GLG1: variants seen among roughly 807,000 people sequenced by gnomAD.
GLG1 encodes Golgi apparatus protein 1.
GLG1 carries 38 observed loss-of-function variants against 160.5 expected under a neutral mutation model. That is an observed-to-expected ratio of 0.24 (90% CI 0.18 to 0.31). The LOEUF is 0.31. Among genes scored for constraint, GLG1 ranks in the 10% least tolerant of loss-of-function variants. The pLI is 1.00. For missense variants in GLG1, 1,373 were observed against 1,505.2 expected, an observed-to-expected ratio of 0.91 and a Z score of 1.45; for synonymous variants, 644 against 543.4, an observed-to-expected ratio of 1.19 and a Z score of -2.57.
chr16:74,558,859 T>C (rs1380930857), intron 1 of GLG1, among the ~76,000 whole-genome samples: 1 of 152,190 alleles, frequency 6.6e-6, no homozygotes. Flanking sequence ...CTATTACCTA[T>C]TTTGTCACAG....
intron 1 of GLG1, among the ~76,000 whole-genome samples, chr16:74,543,250 T>C (rs2549044): frequency 5.3e-3 from 739 of 139,290 alleles, no homozygotes; most frequent in Admixed American, 6.1e-3. Flanking sequence ...TTCTGAAAGA[T>C]GCGTAGCTCA....
At chr16:74,500,749 A>G (rs1374087732) in intron 4 of GLG1, among the ~76,000 whole-genome samples, 1 of 152,192 alleles carries the variant, frequency 6.6e-6, no homozygotes, top group African/African-American at 2.4e-5. Context: ...TCCGCAATTA[A>G]GTTCCTTTGT....
intron 12 of GLG1, among the ~76,000 whole-genome samples, chr16:74,474,993 C>G (rs948667985): frequency 6.6e-6 from 1 of 151,834 alleles, no homozygotes; most frequent in Non-Finnish European, 1.5e-5. Flanking sequence ...CCCATCCCTA[C>G]TAAAAATACA....
rs767074143 is a variant in GLG1 at position 74,607,035 on chromosome 16, C to T, written c.60G>A (p.Leu20=). 15 of 1,594,880 alleles carry T rather than the reference C, an allele frequency of 9.4e-6. No individual in the cohort carries two copies. Among genetic ancestry groups the T allele is most frequent in the Non-Finnish European group, 1.3e-5 (15 of 1,173,500 alleles). The change falls in exon 1 of 26, where the codon CTG becomes CTA. Residue 20 remains leucine, a synonymous_variant. Transcript: ENST00000422840. ...MFRLSAALHL[L]LLFAAGAEKL... The stretch of plus-strand genomic sequence containing the variant: ...TCTCGGCCCCGGCCGCGAATAGCAG[C>T]AGCAGATGCAGCGCCGCCGACAAGC...
intron 9 of GLG1, among the ~76,000 whole-genome samples, chr16:74,484,642 T>C (rs1419866928): frequency 6.6e-6 from 1 of 152,032 alleles, no homozygotes; most frequent in East Asian, 1.9e-4. Context: ...GTGCCTGCAA[T>C]CCCAGCTACT....
intron 9 of GLG1, among the ~76,000 whole-genome samples, chr16:74,485,387 T>C (rs1442503916): frequency 1.3e-5 from 2 of 152,238 alleles, no homozygotes; most frequent in African/African-American, 4.8e-5. Flanking sequence ...TCAAGTATTT[T>C]CTGATGATTA....
intron 1 of GLG1, among the ~76,000 whole-genome samples, chr16:74,556,668 G>A (rs1350833161): frequency 6.6e-6 from 1 of 151,040 alleles, no homozygotes; most frequent in East Asian, 1.9e-4. Flanking sequence ...TGGGTGGCAG[G>A]TTGGAATAAT....
chr16:74,505,797 G>C (rs1466907088), intron 3 of GLG1, among the ~76,000 whole-genome samples: 2 of 152,206 alleles, frequency 1.3e-5, no homozygotes, highest in African/African-American at 4.8e-5. Context: ...GGAGGTTGCA[G>C]TGAGCTGAGA....
In GLG1 at chr16:74,491,117, G is replaced by A. The variant is rs774135784; in HGVS notation, c.1333C>T (p.Arg445Trp). The A allele has an allele frequency of 6.2e-7, 1 of 1,613,672 alleles. No individual in the cohort carries two copies. Among genetic ancestry groups the A allele is most frequent in the Non-Finnish European group, 8.5e-7 (1 of 1,179,770 alleles). The change falls in exon 8 of 26, where the codon CGG becomes TGG. Residue 445 changes from arginine (R) to tryptophan (W), a missense_variant. Arg to Trp is a moderately radical substitution (Grantham distance 101). Transcript: ENST00000422840. ...GAACAATGGTGTTCAATCTCCCCCC[G>A]ACAGCTTAGGATGATCTCAGGGCTC... ...SLSPEIILSC[R>W]GEIEHHCSGL...
In GLG1 at chr16:74,452,762, G is replaced by A; in HGVS notation, c.*405C>T. On this transcript the variant is annotated 3_prime_UTR_variant, in exon 26 of 26. Coordinates refer to ENST00000422840, the MANE Select transcript of GLG1 (RefSeq NM_001145667.2). ...GACATAACCCCATTGCCCAAATCAA[G>A]CCTGGAGGAGATGCGTTACTATATA... is the stretch of plus-strand genomic sequence containing the variant. 1.0e-6 allele frequency: 1 copy of A among 991,820 alleles called. No homozygotes were observed. The highest frequency in any genetic ancestry group is 1.2e-6 in the Non-Finnish European group (1 of 833,560). 61.4% of individuals were successfully genotyped at this position (991,820 alleles called of 1,614,324 possible). A position where few individuals can be genotyped will look rare whatever the true frequency, so the allele number is the denominator to read the frequency against.
intron 8 of GLG1, among the ~76,000 whole-genome samples, chr16:74,487,426 G>A (rs1377376641): frequency 6.7e-6 from 1 of 149,224 alleles, no homozygotes; most frequent in Admixed American, 6.7e-5. Flanking sequence ...TAATCAAAAG[G>A]AAATAAAGGA....
chr16:74,522,457 GATT>G (rs1303137695), intron 2 of GLG1, among the ~76,000 whole-genome samples: 1 of 152,190 alleles, frequency 6.6e-6, no homozygotes, highest in Non-Finnish European at 1.5e-5. Context: ...TCACGTCCCT[GATT>G]ACTAAGCGAA....
intron 4 of GLG1, among the ~76,000 whole-genome samples, chr16:74,502,376 T>C (rs528921343): frequency 2.2e-4 from 34 of 152,276 alleles, no homozygotes; most frequent in Non-Finnish European, 3.7e-4. Context: ...ACTAGCTAGG[T>C]AGTTATTTTC....
At chr16:74,593,082 G>T (rs902604996) in intron 1 of GLG1, among the ~76,000 whole-genome samples, 5 of 152,150 alleles carry the variant, frequency 3.3e-5, no homozygotes, top group African/African-American at 1.2e-4. Flanking sequence ...GGATGATGCA[G>T]CAAGCTGGCC....
intron 1 of GLG1, among the ~76,000 whole-genome samples, chr16:74,556,024 G>C (rs1304058121): frequency 2.0e-5 from 3 of 152,002 alleles, no homozygotes; most frequent in Non-Finnish European, 4.4e-5. Context: ...TTTTTTTGTA[G>C]AGAAGGGTCT....
intron 16 of GLG1, chr16:74,469,709 T>A: frequency 2.2e-6 from 1 of 447,088 alleles, no homozygotes; most frequent in Non-Finnish European, 4.1e-6. Flanking sequence ...CTTCTCTAAG[T>A]ACACAATCCA....
intron 1 of GLG1, among the ~76,000 whole-genome samples, chr16:74,598,987 A>C (rs959605608): frequency 1.4e-4 from 21 of 152,040 alleles, no homozygotes; most frequent in African/African-American, 5.1e-4. Context: ...ATTAGGAGAA[A>C]TGCACAAAAG....
chr16:74,505,723 C>T (rs1175048574), intron 3 of GLG1, among the ~76,000 whole-genome samples: 3 of 152,168 alleles, frequency 2.0e-5, no homozygotes, highest in East Asian at 1.9e-4. Context: ...GGTGTGGCGG[C>T]GTGCGCCTGT....
At chr16:74,539,284 C>T (rs1351541865) in intron 1 of GLG1, among the ~76,000 whole-genome samples, 3 of 151,126 alleles carry the variant, frequency 2.0e-5, no homozygotes, top group Non-Finnish European at 4.4e-5. Flanking sequence ...GGTGGGATAA[C>T]AGTTGTCAAA....
Sources: allele counts gnomAD v4.1 joint callset (sites outside exome capture counted in the v4.1 genomes callset), GRCh38; gene constraint gnomAD v4.1.1; transcripts MANE v1.5; gene names NCBI Gene and HGNC (gene_info 2026-07-23, HGNC 2026-07-21).